Variants in FREM2 observed in about 807,000 individuals in gnomAD.
The protein encoded by FREM2 is FRAS1 related extracellular matrix 2.
In FREM2, 119 loss-of-function variants were observed where a neutral mutation model predicts 219.9. That is an observed-to-expected ratio of 0.54 (90% CI 0.47 to 0.63). FREM2 has a LOEUF of 0.63. FREM2 is among the 30% of genes least tolerant of loss of function. FREM2 has a pLI of 0.00. For synonymous variants in FREM2, 1,562 were observed against 1,522.8 expected (o/e 1.03, Z -0.60); for missense variants, 4,030 against 3,993.6 (o/e 1.01, Z -0.25).
rs1593459578 is a variant in FREM2, at chr13:38,877,128, A to G, written c.8556A>G (p.Pro2852=). 6.2e-7 allele frequency: 1 copy of G among 1,614,156 alleles called. No individual in the cohort carries two copies. Among genetic ancestry groups the G allele is most frequent in the Non-Finnish European group, 8.5e-7 (1 of 1,179,990 alleles). ...ACCTTTGGTTTTAGGTCAGTGATCC[A>G]GTGGCTGCTGAGTTTAGCTTGAACA... The part of the protein sequence containing the change: ...LDIRFQQVSD[P]VAAEFSLNTQ... Residue 2852 remains proline, a synonymous_variant, in exon 21 of 24, where the codon CCA becomes CCG. Transcript: ENST00000280481.
intron 2 of FREM2, among the ~76,000 whole-genome samples, chr13:38,745,478 T>C (rs1872427447): frequency 6.6e-6 from 1 of 152,194 alleles, no homozygotes; most frequent in Non-Finnish European, 1.5e-5. Flanking sequence ...CTAATAAAGA[T>C]AAAGAGCTGC....
At position 38,846,728 on chromosome 13, in the gene FREM2, C is replaced by T. The variant is rs1353546840; in HGVS notation, c.6169+6C>T. The T allele has an allele frequency of 1.2e-6, 2 of 1,613,518 alleles. No homozygotes were observed. The highest frequency in any genetic ancestry group is 8.5e-7 in the Non-Finnish European group (1 of 1,179,570). ...AGATCCTCCCTCTGCAGATGGTGAG[C>T]AGTTTCCCACTCGGCTCTTTTGATT... On this transcript the variant is annotated splice_donor_region_variant and intron_variant, in intron 7 of 23. Transcript: ENST00000280481.
chr13:38,866,135 T>A (rs1402097693), intron 16 of FREM2, among the ~76,000 whole-genome samples: 1 of 152,168 alleles, frequency 6.6e-6, no homozygotes, highest in Non-Finnish European at 1.5e-5. Context: ...CATCACAGCA[T>A]CTATTGGTAT....
In FREM2 at chr13:38,714,372, A is replaced by ACC. The variant is rs201678221; in HGVS notation, c.5263+16585_5263+16586insCC. 4.3e-3 allele frequency among the ~76,000 whole-genome samples: 656 copies of ACC among 152,364 alleles called. 11 individuals carry two copies. Among genetic ancestry groups the ACC allele is most frequent in the African/African-American group, 0.015 (615 of 41,592 alleles). On this transcript the variant is annotated intron_variant, in intron 2 of 23. Coordinates refer to ENST00000280481, the MANE Select transcript of FREM2 (RefSeq NM_207361.6). ...ATCAAATACTTCTGAAAGTGAAGTTATAATTTGTTGATCAAAAACATTCAA... is the reference window on the plus strand; with the variant it reads ...ATCAAATACTTCTGAAAGTGAAGTTACCTAATTTGTTGATCAAAAACATTCAA...
Position 38,688,833 on chromosome 13 carries a change from G to T in FREM2, c.1489G>T (p.Ala497Ser), listed in dbSNP as rs1318336786. The stretch of plus-strand genomic sequence containing the variant: ...GCATGGTCACCTTGTCATTCTGGGT[G>T]CTTCCAGTGGCAGCTCTGCTCCCAA... ...LRHGHLVILG[A>S]SSGSSAPKSF... The change falls in exon 1 of 24, where the codon GCT (alanine) becomes TCT (serine). Residue 497 changes from alanine to serine, a missense_variant. Ala to Ser is a moderately conservative substitution (Grantham distance 99, BLOSUM62 1). This residue lies in a region of FREM2 where 3,102 missense variants were observed against 2,950.7 expected (regional missense o/e 1.05). Coordinates refer to ENST00000280481, the MANE Select transcript of FREM2 (RefSeq NM_207361.6). The T allele has an allele frequency of 6.2e-7, 1 of 1,613,968 alleles. No individual in the cohort carries two copies. The highest frequency in any genetic ancestry group is 1.1e-5 in the South Asian group (1 of 91,078).
intron 1 of FREM2, among the ~76,000 whole-genome samples, chr13:38,693,915 G>A (rs1593347371): frequency 6.6e-6 from 1 of 152,132 alleles, no homozygotes; most frequent in Non-Finnish European, 1.5e-5. Flanking sequence ...AAACTTTTAT[G>A]TGAAGGCTTT....
At chr13:38,797,800 G>T (rs1874852651) in intron 6 of FREM2, among the ~76,000 whole-genome samples, 1 of 151,866 alleles carries the variant, frequency 6.6e-6, no homozygotes, top group Admixed American at 6.6e-5. Flanking sequence ...ATCTTGACTT[G>T]ATTTTTGTAT....
intron 2 of FREM2, among the ~76,000 whole-genome samples, chr13:38,721,048 A>T (rs1308907539): frequency 1.3e-5 from 2 of 152,122 alleles, no homozygotes; most frequent in Admixed American, 1.3e-4. Context: ...TAGCTAATGG[A>T]TGCTGGGTTT....
intron 2 of FREM2, among the ~76,000 whole-genome samples, chr13:38,705,462 CT>C (rs895636665): frequency 6.6e-6 from 1 of 152,176 alleles, no homozygotes; most frequent in African/African-American, 2.4e-5. Context: ...GGAAGCCAGC[CT>C]TTTGATCTTG....
At chr13:38,872,083 T>C (rs1354063685) in intron 16 of FREM2, among the ~76,000 whole-genome samples, 1 of 152,128 alleles carries the variant, frequency 6.6e-6, no homozygotes, top group Non-Finnish European at 1.5e-5. Flanking sequence ...ATAAATGAAA[T>C]GTAATATGTG....
chr13:38,808,033 A>T (rs1465274770), intron 6 of FREM2, among the ~76,000 whole-genome samples: 2 of 151,852 alleles, frequency 1.3e-5, no homozygotes, highest in African/African-American at 2.4e-5. Context: ...TTCATCCTTC[A>T]TTTTAGTGAG....
At chr13:38,819,266 G>T (rs1216391856) in intron 6 of FREM2, among the ~76,000 whole-genome samples, 1 of 152,086 alleles carries the variant, frequency 6.6e-6, no homozygotes, top group Non-Finnish European at 1.5e-5. Flanking sequence ...AAGCATTAAA[G>T]AGCTTTGTTC....
chr13:38,783,446 C>T (rs1282815662), intron 5 of FREM2, among the ~76,000 whole-genome samples: 1 of 147,154 alleles, frequency 6.8e-6, no homozygotes, highest in Non-Finnish European at 1.5e-5. Context: ...CCAACCCAGC[C>T]TGCTCAAGTA....
chr13:38,718,095 C>T (rs1871083761), intron 2 of FREM2, among the ~76,000 whole-genome samples: 1 of 152,180 alleles, frequency 6.6e-6, no homozygotes, highest in African/African-American at 2.4e-5. Flanking sequence ...CATCATTTAA[C>T]ATATACTCAT....
intron 6 of FREM2, among the ~76,000 whole-genome samples, chr13:38,807,138 AC>A (rs1481904566): frequency 8.6e-6 from 1 of 116,506 alleles, no homozygotes; most frequent in African/African-American, 3.1e-5. Flanking sequence ...ATTTTTTTCA[AC>A]CCCCTGCTCA....
At chr13:38,784,405 T>C (rs920229071) in intron 5 of FREM2, 152 bp from the exon 6 acceptor site, 22 of 761,834 alleles carry the variant, frequency 2.9e-5, no homozygotes, top group African/African-American at 2.4e-4. Flanking sequence ...TGACTCATGA[T>C]ACTAGAACAG....
chr13:38,840,892 C>A (rs1015970498), intron 6 of FREM2, among the ~76,000 whole-genome samples: 1 of 152,028 alleles, frequency 6.6e-6, no homozygotes, highest in African/African-American at 2.4e-5. Flanking sequence ...CATCTTTGAA[C>A]ACTTAGGTTA....
chr13:38,751,232 A>G (rs900046978), intron 2 of FREM2, among the ~76,000 whole-genome samples: 1 of 140,224 alleles, frequency 7.1e-6, no homozygotes, highest in African/African-American at 2.8e-5. Context: ...ATTGTTTTTC[A>G]TAAGGGCTGT....
intron 2 of FREM2, among the ~76,000 whole-genome samples, chr13:38,744,045 A>G (rs1273363617): frequency 4.6e-5 from 7 of 152,180 alleles, no homozygotes; most frequent in East Asian, 1.9e-4. Flanking sequence ...ATGGAAATGA[A>G]TGGAGAGAGG....
Sources: allele counts gnomAD v4.1 joint callset (sites outside exome capture counted in the v4.1 genomes callset), GRCh38; gene constraint gnomAD v4.1.1; regional missense constraint gnomAD v4.1.1; transcripts MANE v1.5; gene names NCBI Gene and HGNC (gene_info 2026-07-23, HGNC 2026-07-21).